Variants in HS6ST3 observed in about 807,000 individuals in gnomAD.
The protein encoded by HS6ST3 is heparan-sulfate 6-O-sulfotransferase 3.
A neutral mutation model predicts 36.7 loss-of-function variants in HS6ST3; 12 were observed. That is an observed-to-expected ratio of 0.33 (90% confidence interval 0.21 to 0.53). The LOEUF is 0.53. HS6ST3 is among the 20% of genes least tolerant of loss of function. The pLI, the probability that HS6ST3 is intolerant of heterozygous loss-of-function variation, is 0.95. For missense variants in HS6ST3, 584 were observed against 640.9 expected, an observed-to-expected ratio of 0.91 and a Z score of 0.96; for synonymous variants, 240 against 257.5, an observed-to-expected ratio of 0.93 and a Z score of 0.65.
intron 1 of HS6ST3, among the ~76,000 whole-genome samples, chr13:96,492,113 G>A (rs763139030): frequency 6.6e-6 from 1 of 152,148 alleles, no homozygotes; most frequent in Non-Finnish European, 1.5e-5. Flanking sequence ...TTGTAGGTAG[G>A]TAACGTTGCT....
At chr13:96,489,867 A>G (rs1251116719) in intron 1 of HS6ST3, among the ~76,000 whole-genome samples, 2 of 152,052 alleles carry the variant, frequency 1.3e-5, no homozygotes, top group Admixed American at 1.3e-4. Context: ...CTATTCTTAA[A>G]ATGTCTTCTT....
rs186732123 is a variant in HS6ST3, at chr13:96,731,588, T to C, written c.708-100902T>C. 5.2e-4 allele frequency among the ~76,000 whole-genome samples: 79 copies of C among 152,336 alleles called. No homozygotes were observed. The East Asian group carries it at 5.4e-3, about 10-fold the overall frequency. ...ATGTCTCTTTGATATATTGATTTCA[T>C]TTCCTTTGTAAATATATATGCCCAG... On this transcript the variant is annotated intron_variant, in intron 1 of 1. Coordinates refer to ENST00000376705, the MANE Select transcript of HS6ST3 (RefSeq NM_153456.4).
At chr13:96,554,901 A>G (rs2056234228) in intron 1 of HS6ST3, among the ~76,000 whole-genome samples, 1 of 151,918 alleles carries the variant, frequency 6.6e-6, no homozygotes, top group African/African-American at 2.4e-5. Flanking sequence ...ATCCATGGCA[A>G]AACCCTGTCT....
At chr13:96,756,188 T>C (rs780079873) in intron 1 of HS6ST3, among the ~76,000 whole-genome samples, 2 of 152,200 alleles carry the variant, frequency 1.3e-5, no homozygotes, top group Non-Finnish European at 2.9e-5. Context: ...CCATTATTAA[T>C]TGGGAAAACA....
At chr13:96,606,209 C>T (rs2056438120) in intron 1 of HS6ST3, among the ~76,000 whole-genome samples, 1 of 152,172 alleles carries the variant, frequency 6.6e-6, no homozygotes, top group Non-Finnish European at 1.5e-5. Context: ...ACCCAGCAAT[C>T]CCATTACTGT....
At chr13:96,262,179 A>G (rs922353454) in intron 1 of HS6ST3, among the ~76,000 whole-genome samples, 3 of 152,224 alleles carry the variant, frequency 2.0e-5, no homozygotes, top group Non-Finnish European at 2.9e-5. Context: ...AAGAAGGGCC[A>G]TTTAACTCTC....
intron 1 of HS6ST3, among the ~76,000 whole-genome samples, chr13:96,341,455 A>T (rs1035407960): frequency 2.0e-5 from 3 of 152,258 alleles, no homozygotes; most frequent in Admixed American, 6.5e-5. Flanking sequence ...TAAATCAATA[A>T]TTTTTTGTAA....
intron 1 of HS6ST3, among the ~76,000 whole-genome samples, chr13:96,495,368 A>G (rs1352340222): frequency 6.6e-6 from 1 of 152,058 alleles, no homozygotes; most frequent in African/African-American, 2.4e-5. Flanking sequence ...CAGTTTTCTT[A>G]TTACAAAAAT....
At chr13:96,167,601 G>A (rs887651255) in intron 1 of HS6ST3, among the ~76,000 whole-genome samples, 1 of 152,172 alleles carries the variant, frequency 6.6e-6, no homozygotes, top group African/African-American at 2.4e-5. Flanking sequence ...TTACTAAGCC[G>A]TGGTGCTTTG....
intron 1 of HS6ST3, among the ~76,000 whole-genome samples, chr13:96,639,716 A>G (rs2056563390): frequency 1.3e-5 from 2 of 151,848 alleles, no homozygotes; most frequent in Admixed American, 6.6e-5. Context: ...TCCCCCAAAA[A>G]TAGTCCTCAG....
At chr13:96,345,936 G>A (rs2055151822) in intron 1 of HS6ST3, among the ~76,000 whole-genome samples, 1 of 152,186 alleles carries the variant, frequency 6.6e-6, no homozygotes, top group Admixed American at 6.5e-5. Context: ...GCTGCAGGTG[G>A]CCCATGGGCC....
intron 1 of HS6ST3, among the ~76,000 whole-genome samples, chr13:96,595,160 C>T (rs575970030): frequency 1.0e-3 from 152 of 152,266 alleles, no homozygotes; most frequent in African/African-American, 3.5e-3. Flanking sequence ...ATCCACCAGC[C>T]GCAGCCTCCT....
intron 1 of HS6ST3, among the ~76,000 whole-genome samples, chr13:96,130,679 A>G (rs1374819922): frequency 1.3e-5 from 2 of 152,104 alleles, no homozygotes; most frequent in African/African-American, 4.8e-5. Flanking sequence ...CCAAATCTGC[A>G]TTCATTATTG....
chr13:96,238,406 C>T (rs895966806), intron 1 of HS6ST3, among the ~76,000 whole-genome samples: 5 of 152,162 alleles, frequency 3.3e-5, no homozygotes, highest in African/African-American at 7.2e-5. Context: ...AATCCAATTT[C>T]GCCTGTTAGA....
intron 1 of HS6ST3, among the ~76,000 whole-genome samples, chr13:96,198,869 A>C (rs1012908292): frequency 6.6e-6 from 1 of 152,156 alleles, no homozygotes; most frequent in Non-Finnish European, 1.5e-5. Context: ...ACATTTTTGG[A>C]TGTATTTTCA....
chr13:96,328,498 T>G (rs1387430158), intron 1 of HS6ST3, among the ~76,000 whole-genome samples: 1 of 152,124 alleles, frequency 6.6e-6, no homozygotes, highest in Non-Finnish European at 1.5e-5. Flanking sequence ...GATTTGCGTA[T>G]GTTGAACCAG....
chr13:96,834,609 T>C lies in HS6ST3; in HGVS notation c.*1411T>C, dbSNP rs1878881459. The C allele has an allele frequency of 6.6e-6, 1 of 152,420 alleles. No homozygotes were observed. The highest frequency in any genetic ancestry group is 1.5e-5 in the Non-Finnish European group (1 of 67,992). 9.4% of individuals were successfully genotyped at this position (152,420 alleles called of 1,614,324 possible). ...CTAGCATTTATTAGGAGGATCAGAGTGAGTGGGAAGTTTCACAACGGATTG... is the reference window on the plus strand; with the variant it reads ...CTAGCATTTATTAGGAGGATCAGAGCGAGTGGGAAGTTTCACAACGGATTG... On this transcript the variant is annotated 3_prime_UTR_variant, in exon 2 of 2. Transcript: ENST00000376705.
intron 1 of HS6ST3, among the ~76,000 whole-genome samples, chr13:96,339,625 G>T (rs1396524790): frequency 6.6e-6 from 1 of 152,220 alleles, no homozygotes; most frequent in Admixed American, 6.5e-5. Flanking sequence ...AATAGACCAA[G>T]AGTTTATTAA....
chr13:96,472,791 G>A (rs377229518), intron 1 of HS6ST3, among the ~76,000 whole-genome samples: 1 of 152,108 alleles, frequency 6.6e-6, no homozygotes, highest in African/African-American at 2.4e-5. Flanking sequence ...AGGAAGGGAG[G>A]GAGAGAGGAA....
Sources: allele counts gnomAD v4.1 joint callset (sites outside exome capture counted in the v4.1 genomes callset), GRCh38; gene constraint gnomAD v4.1.1; transcripts MANE v1.5; gene names NCBI Gene and HGNC (gene_info 2026-07-23, HGNC 2026-07-21).